MYRIP: variants seen among roughly 807,000 people sequenced by gnomAD.
MYRIP encodes the protein myosin VIIA and Rab interacting protein, also known as rab effector MyRIP.
MYRIP carries 49 observed loss-of-function variants against 98.0 expected under a neutral mutation model. The ratio of observed to expected loss-of-function variants is 0.50; its 90% confidence interval spans 0.40 to 0.63. The LOEUF is 0.63. Among genes scored for constraint, MYRIP ranks in the 30% least tolerant of loss-of-function variants. The pLI is 0.00. For missense variants in MYRIP, 1,004 were observed against 1,058.2 expected, an observed-to-expected ratio of 0.95 and a Z score of 0.71; for synonymous variants, 404 against 409.5, an observed-to-expected ratio of 0.99 and a Z score of 0.16.
Position 40,016,607 on chromosome 3 carries a change from G to T in MYRIP, c.111-27443G>T, listed in dbSNP as rs1301209028. Among the ~76,000 whole-genome samples, 3 of 152,156 alleles carry T rather than the reference G, an allele frequency of 2.0e-5. No homozygotes were observed. The East Asian group carries it at 5.8e-4, about 29-fold the overall frequency. On this transcript the variant is annotated intron_variant, in intron 2 of 16. Coordinates refer to ENST00000302541, the MANE Select transcript of MYRIP (RefSeq NM_015460.4). ...AGACTGCAGCCTTGCTCAGCGGGTT[G>T]TCCTGGCCCAGCCCTGTTTTTCTCA...
At chr3:40,082,596 G>A (rs1377251592) in intron 3 of MYRIP, among the ~76,000 whole-genome samples, 1 of 152,116 alleles carries the variant, frequency 6.6e-6, no homozygotes, top group East Asian at 1.9e-4. Flanking sequence ...CTTTTCCTGT[G>A]ATCATTAGGC....
chr3:39,843,637 G>A (rs913945544), intron 1 of MYRIP, among the ~76,000 whole-genome samples: 13 of 152,148 alleles, frequency 8.5e-5, no homozygotes, highest in African/African-American at 3.1e-4. Flanking sequence ...CTGGTTAATG[G>A]GAGGAAACTG....
chr3:40,009,993 G>T (rs1029241810), intron 2 of MYRIP, among the ~76,000 whole-genome samples: 1 of 152,156 alleles, frequency 6.6e-6, no homozygotes, highest in Non-Finnish European at 1.5e-5. Flanking sequence ...TCTCCTTTAA[G>T]GAATGATGAG....
At chr3:40,127,658 G>A (rs1015463452) in intron 3 of MYRIP, among the ~76,000 whole-genome samples, 1 of 152,166 alleles carries the variant, frequency 6.6e-6, no homozygotes, top group Admixed American at 6.5e-5. Context: ...GGTTGGGGGT[G>A]GGGGGCACTG....
chr3:39,876,806 G>T (rs1183793402), intron 1 of MYRIP, among the ~76,000 whole-genome samples: 1 of 152,004 alleles, frequency 6.6e-6, no homozygotes, highest in Non-Finnish European at 1.5e-5. Flanking sequence ...TGGTGAATCT[G>T]ACAATTATGT....
chr3:39,992,296 C>G (rs531418906), intron 2 of MYRIP, among the ~76,000 whole-genome samples: 52 of 152,282 alleles, frequency 3.4e-4, no homozygotes, highest in African/African-American at 1.2e-3. Context: ...TTCTATTCTT[C>G]TGACTCTGCT....
intron 3 of MYRIP, among the ~76,000 whole-genome samples, chr3:40,073,103 G>T (rs1268586725): frequency 6.6e-6 from 1 of 152,108 alleles, no homozygotes; most frequent in Non-Finnish European, 1.5e-5. Flanking sequence ...ATTCTGACTG[G>T]TTACAAATTG....
At chr3:40,121,448 G>A (rs1949402309) in intron 3 of MYRIP, among the ~76,000 whole-genome samples, 1 of 151,820 alleles carries the variant, frequency 6.6e-6, no homozygotes. Context: ...GGCATCTGTG[G>A]ATTTTTTTTT....
chr3:40,001,269 C>T (rs138631723), intron 2 of MYRIP, among the ~76,000 whole-genome samples: 2 of 152,196 alleles, frequency 1.3e-5, no homozygotes, highest in African/African-American at 4.8e-5. Flanking sequence ...TGGTTGCCTG[C>T]AGACTTGCAA....
intron 2 of MYRIP, among the ~76,000 whole-genome samples, chr3:40,015,647 A>G (rs1946847299): frequency 6.6e-6 from 1 of 152,212 alleles, no homozygotes. Flanking sequence ...CTCCTTAGCC[A>G]GGACAGCCAG....
intron 3 of MYRIP, among the ~76,000 whole-genome samples, chr3:40,110,368 G>GT (rs1346999779): frequency 6.6e-6 from 1 of 152,234 alleles, no homozygotes; most frequent in Non-Finnish European, 1.5e-5. Context: ...GAAATGTTCA[G>GT]TTTGAAGCAA....
At chr3:39,872,653 C>A (rs1942838722) in intron 1 of MYRIP, among the ~76,000 whole-genome samples, 1 of 151,930 alleles carries the variant, frequency 6.6e-6, no homozygotes, top group South Asian at 2.1e-4. Flanking sequence ...CATGTCCCTA[C>A]AAAGGACATG....
chr3:39,993,298 C>T (rs1345621938), intron 2 of MYRIP, among the ~76,000 whole-genome samples: 1 of 152,224 alleles, frequency 6.6e-6, no homozygotes, highest in Non-Finnish European at 1.5e-5. Flanking sequence ...AGGTCTCACT[C>T]TTAATACAGT....
chr3:40,218,518 G>A (rs889670058), intron 11 of MYRIP, among the ~76,000 whole-genome samples: 3 of 148,804 alleles, frequency 2.0e-5, no homozygotes, highest in African/African-American at 7.5e-5. Flanking sequence ...AAAATTCATA[G>A]AACTATATGC....
At chr3:40,254,078 C>A (rs1299054176) in intron 16 of MYRIP, among the ~76,000 whole-genome samples, 2 of 152,154 alleles carry the variant, frequency 1.3e-5, no homozygotes, top group Admixed American at 1.3e-4. Context: ...TTTGCATGAA[C>A]TCTAGAAATT....
intron 1 of MYRIP, among the ~76,000 whole-genome samples, chr3:39,815,193 CACCCAGCCCTAGGCAACCTT>C (rs1302376726): frequency 6.6e-6 from 1 of 152,192 alleles, no homozygotes; most frequent in Non-Finnish European, 1.5e-5. Context: ...CCCTGCCACA[CACCCAGCCCTAGGCAACCTT>C]ACCAATCTAC....
At chr3:39,843,869 G>A (rs192232359) in intron 1 of MYRIP, among the ~76,000 whole-genome samples, 2 of 152,304 alleles carry the variant, frequency 1.3e-5, no homozygotes, top group East Asian at 3.9e-4. Flanking sequence ...CTCAGCAGTG[G>A]AGATAGATTA....
intron 3 of MYRIP, among the ~76,000 whole-genome samples, chr3:40,116,726 A>G (rs905847089): frequency 1.3e-5 from 2 of 152,204 alleles, no homozygotes; most frequent in Non-Finnish European, 2.9e-5. Context: ...ACTGAATAGA[A>G]CATCCCTTGT....
chr3:40,002,450 G>A (rs1049566270), intron 2 of MYRIP, among the ~76,000 whole-genome samples: 9 of 152,000 alleles, frequency 5.9e-5, no homozygotes, highest in African/African-American at 1.9e-4. Flanking sequence ...CAGGAGAATC[G>A]CTTGAACCCA....
Sources: gnomAD v4.1 joint callset for allele counts (sites outside exome capture counted in the v4.1 genomes callset) on GRCh38, gnomAD v4.1.1 for gene constraint, MANE v1.5 for transcripts, NCBI Gene and HGNC (gene_info 2026-07-23, HGNC 2026-07-21) for gene names.